Variants in PXT1 observed in about 807,000 individuals in gnomAD.
PXT1 encodes peroxisomal testis enriched protein 1.
Under a neutral mutation model 11.0 loss-of-function variants are expected in PXT1, and 11 were observed. The observed-to-expected ratio is 1.00, with a 90% CI of 0.63 to 1.66. The LOEUF (loss-of-function observed/expected upper bound fraction) is 1.66. Ranked by LOEUF, PXT1 falls within the 40% of genes most tolerant of loss-of-function variation. The pLI is 0.00. For synonymous variants in PXT1, 43 were observed against 51.4 expected, an observed-to-expected ratio of 0.84 and a Z score of 0.70; for missense variants, 141 against 155.5, an observed-to-expected ratio of 0.91 and a Z score of 0.49.
intron 3 of PXT1, among the ~76,000 whole-genome samples, chr6:36,409,501 A>G (rs181749677): frequency 6.6e-6 from 1 of 152,268 alleles, no homozygotes; most frequent in Admixed American, 6.5e-5. Context: ...CACTGTACCT[A>G]GCACAGAGTT....
At chr6:36,411,333 C>T (rs1464081671) in intron 3 of PXT1, among the ~76,000 whole-genome samples, 1 of 152,120 alleles carries the variant, frequency 6.6e-6, no homozygotes, top group Non-Finnish European at 1.5e-5. Context: ...CACCTGTAAT[C>T]CCAGCTACTC....
intron 3 of PXT1, among the ~76,000 whole-genome samples, chr6:36,407,271 G>A (rs1309327613): frequency 6.6e-6 from 1 of 152,118 alleles, no homozygotes; most frequent in East Asian, 1.9e-4. Context: ...CACTAAGATA[G>A]CTATACCACC....
At chr6:36,420,969 C>T (rs1425600412) in intron 3 of PXT1, among the ~76,000 whole-genome samples, 1 of 151,516 alleles carries the variant, frequency 6.6e-6, no homozygotes, top group African/African-American at 2.4e-5. Flanking sequence ...GCAAGAGGAT[C>T]GCTTGAACCC....
chr6:36,414,202 T>C (rs541702843), intron 3 of PXT1, among the ~76,000 whole-genome samples: 26 of 152,222 alleles, frequency 1.7e-4, no homozygotes, highest in Admixed American at 3.3e-4. Flanking sequence ...CTCCAACCCA[T>C]GTGTAGGGAA....
rs142976835 is a variant in PXT1 at position 36,403,419 on chromosome 6, T to C, written c.170-2835A>G. On this transcript the variant is annotated intron_variant, in intron 3 of 4. Transcript: ENST00000454782. ...GAATAGGCTGGGATTTAGTATTAGATAGAGACAGGGAGGAAAAAAACTCCC... is the reference window on the plus strand; with the variant it reads ...GAATAGGCTGGGATTTAGTATTAGACAGAGACAGGGAGGAAAAAAACTCCC... 3.4e-3 allele frequency among the ~76,000 whole-genome samples: 514 copies of C among 152,120 alleles called. 1 individual carries two copies. The highest frequency in any genetic ancestry group is 0.012 in the African/African-American group (488 of 41,480).
intron 4 of PXT1, among the ~76,000 whole-genome samples, chr6:36,395,282 G>C (rs1377001772): frequency 6.6e-6 from 1 of 152,120 alleles, no homozygotes; most frequent in Non-Finnish European, 1.5e-5. Context: ...GCAGTTCCAA[G>C]AGCAAGAATA....
chr6:36,406,930 G>C (rs942005447), intron 3 of PXT1, among the ~76,000 whole-genome samples: 1 of 152,096 alleles, frequency 6.6e-6, no homozygotes, highest in Non-Finnish European at 1.5e-5. Context: ...ACATCTTTCT[G>C]GAGGTGACTG....
At chr6:36,426,353 CGCTTTTTTTTTTT>C in intron 2 of PXT1, among the ~76,000 whole-genome samples, 1 of 129,182 alleles carries the variant, frequency 7.7e-6, no homozygotes, top group Non-Finnish European at 1.6e-5. Flanking sequence ...CTCTCTCTCT[CGCTTTTTTTTTTT>C]TTTTTTTTTT....
chr6:36,441,046 A>G (rs896670741), intron 1 of PXT1, among the ~76,000 whole-genome samples: 1 of 151,404 alleles, frequency 6.6e-6, no homozygotes, highest in Non-Finnish European at 1.5e-5. Context: ...GCAGGAGGAT[A>G]GCTTGAGCCT....
chr6:36,420,250 A>G (rs1297347544), intron 3 of PXT1, among the ~76,000 whole-genome samples: 1 of 152,208 alleles, frequency 6.6e-6, no homozygotes, highest in Non-Finnish European at 1.5e-5. Context: ...CATTGGTTTC[A>G]ATATTAAGTA....
At chr6:36,430,219 A>AG (rs377095175) in intron 2 of PXT1, among the ~76,000 whole-genome samples, 5 of 151,554 alleles carry the variant, frequency 3.3e-5, no homozygotes, top group Non-Finnish European at 4.4e-5. Flanking sequence ...AAAAAAAAAA[A>AG]GTAAATCTCT....
intron 4 of PXT1, among the ~76,000 whole-genome samples, chr6:36,392,498 A>G (rs1192586410): frequency 1.3e-5 from 2 of 152,020 alleles, no homozygotes; most frequent in Non-Finnish European, 2.9e-5. Context: ...GTGAAACCTC[A>G]TCTCTAGAAA....
chr6:36,400,986 T>C (rs1440625541), intron 3 of PXT1, among the ~76,000 whole-genome samples: 1 of 151,620 alleles, frequency 6.6e-6, no homozygotes, highest in Non-Finnish European at 1.5e-5. Context: ...AAAAAAGAGT[T>C]GAAATTCAGT....
intron 2 of PXT1, 59 bp downstream of exon 2, chr6:36,438,708 C>T (rs1289698151): frequency 6.6e-6 from 1 of 152,324 alleles, no homozygotes; most frequent in Non-Finnish European, 1.5e-5. Flanking sequence ...AGGCATGAGC[C>T]ACTGCGCCCG....
chr6:36,403,154 T>G (rs772237688), intron 3 of PXT1, among the ~76,000 whole-genome samples: 6 of 152,128 alleles, frequency 3.9e-5, no homozygotes, highest in Non-Finnish European at 8.8e-5. Flanking sequence ...CCACTGCACC[T>G]GGCCAGTATT....
At chr6:36,407,573 T>C (rs978871527) in intron 3 of PXT1, among the ~76,000 whole-genome samples, 2 of 120,678 alleles carry the variant, frequency 1.7e-5, no homozygotes, top group African/African-American at 3.2e-5. Context: ...AACTTCATGG[T>C]TAATCTTTTT....
intron 1 of PXT1, among the ~76,000 whole-genome samples, chr6:36,441,668 T>C (rs924992348): frequency 2.0e-5 from 3 of 152,146 alleles, no homozygotes; most frequent in African/African-American, 7.2e-5. Context: ...CACAGCCTAG[T>C]CCATGTTGAG....
chr6:36,405,067 C>T (rs1156556653), intron 3 of PXT1, among the ~76,000 whole-genome samples: 1 of 152,072 alleles, frequency 6.6e-6, no homozygotes. Flanking sequence ...CATATATTGC[C>T]CCCAAAGACC....
rs546393196 is a variant in PXT1 at position 36,395,403 on chromosome 6, G to A, written c.301-3529C>T. On this transcript the variant is annotated intron_variant, in intron 4 of 4. Transcript: ENST00000454782. ...AAATGATGACTATATAGGAAAGAAA[G>A]TTACCATGCCAGACTTGAAATTCTG... Among the ~76,000 whole-genome samples, 172 of 150,646 alleles carry A rather than the reference G, an allele frequency of 1.1e-3. 1 individual carries two copies. The highest frequency in any genetic ancestry group is 2.1e-3 in the Non-Finnish European group (142 of 67,722).
Sources: gnomAD v4.1 joint callset for allele counts (sites outside exome capture counted in the v4.1 genomes callset) on GRCh38, gnomAD v4.1.1 for gene constraint, MANE v1.5 for transcripts, NCBI Gene and HGNC (gene_info 2026-07-23, HGNC 2026-07-21) for gene names.